UBTD1: variants seen among roughly 807,000 people sequenced by gnomAD.
UBTD1 encodes the protein ubiquitin domain-containing protein 1.
Under a neutral mutation model 21.7 loss-of-function variants are expected in UBTD1, and 19 were observed. The ratio of observed to expected loss-of-function variants is 0.87; its 90% CI spans 0.61 to 1.28. UBTD1 has a LOEUF of 1.28. Among genes scored for constraint, UBTD1 ranks in the 50% most tolerant of loss-of-function variants. The pLI, the probability that UBTD1 is intolerant of heterozygous loss-of-function variation, is 0.00. For synonymous variants in UBTD1, 116 were observed against 135.1 expected (o/e 0.86, Z 0.98); for missense variants, 282 against 315.1 (o/e 0.89, Z 0.80).
At chr10:97,556,522 G>GT in intron 1 of UBTD1, among the ~76,000 whole-genome samples, 1 of 152,278 alleles carries the variant, frequency 6.6e-6, no homozygotes, top group South Asian at 2.1e-4. Flanking sequence ...GTAGATGGGG[G>GT]TTCAATATCC....
chr10:97,528,207 G>A (rs2040501490), intron 1 of UBTD1, among the ~76,000 whole-genome samples: 3 of 99,858 alleles, frequency 3.0e-5, no homozygotes, highest in African/African-American at 7.0e-5. Context: ...GGACGGGGCG[G>A]CTGGCCGGGC....
At chr10:97,500,225 C>G (rs1289936895) in intron 1 of UBTD1, among the ~76,000 whole-genome samples, 1 of 152,230 alleles carries the variant, frequency 6.6e-6, no homozygotes, top group Admixed American at 6.5e-5. Flanking sequence ...TCCTCTCCCA[C>G]CCCATTGCCA....
Position 97,568,143 on chromosome 10 carries a change from T to C in UBTD1, c.298+2T>C. 1 of 1,613,474 alleles carries C rather than the reference T, an allele frequency of 6.2e-7. No individual in the cohort carries two copies. The highest frequency in any genetic ancestry group is 8.5e-7 in the Non-Finnish European group (1 of 1,179,954). ...GAGCCAGCATCACCCTGCCTCATGG[T>C]AAGTGGGCAGGGCCAGGGCTTTATC... On this transcript the variant is annotated splice_donor_variant, in intron 2 of 2. Transcript: ENST00000370664. LOFTEE classifies it high-confidence loss of function.
At chr10:97,511,796 C>G (rs2040424195) in intron 1 of UBTD1, among the ~76,000 whole-genome samples, 1 of 152,188 alleles carries the variant, frequency 6.6e-6, no homozygotes, top group Non-Finnish European at 1.5e-5. Context: ...TATTAATCTC[C>G]TACCATGTGT....
intron 1 of UBTD1, among the ~76,000 whole-genome samples, chr10:97,559,013 G>C (rs1418646707): frequency 6.6e-6 from 1 of 152,124 alleles, no homozygotes; most frequent in East Asian, 1.9e-4. Flanking sequence ...CATCCGCTCG[G>C]GGATGAACAA....
chr10:97,521,074 C>A (rs2040465180), intron 1 of UBTD1, among the ~76,000 whole-genome samples: 1 of 152,184 alleles, frequency 6.6e-6, no homozygotes, highest in African/African-American at 2.4e-5. Context: ...AGGCCCTGGG[C>A]CTGCCAGCTC....
intron 1 of UBTD1, among the ~76,000 whole-genome samples, chr10:97,505,377 G>T (rs967759471): frequency 1.3e-5 from 2 of 152,188 alleles, no homozygotes; most frequent in African/African-American, 4.8e-5. Flanking sequence ...ATAGGGAAGT[G>T]GTTGAGGTCA....
intron 1 of UBTD1, among the ~76,000 whole-genome samples, chr10:97,528,989 AC>A (rs2040510145): frequency 1.3e-5 from 2 of 150,622 alleles, no homozygotes. Context: ...CCGGGCGGAG[AC>A]GCTCCTCACT....
chr10:97,514,146 G>T (rs556375235), intron 1 of UBTD1, among the ~76,000 whole-genome samples: 1 of 152,146 alleles, frequency 6.6e-6, no homozygotes, highest in South Asian at 2.1e-4. Flanking sequence ...GGGTGCAGAT[G>T]AATGTAGTTG....
In UBTD1 at chr10:97,564,971, A is replaced by G. The variant is rs972190610; in HGVS notation, c.71-2943A>G. Among the ~76,000 whole-genome samples the G allele has an allele frequency of 3.3e-5, 5 of 152,168 alleles. No individual in the cohort carries two copies. In the East Asian group the frequency reaches 5.8e-4, roughly 18 times the overall value. ...CAGAACATCTTTAAATCCACCTATG[A>G]CCTTTAAGTCCCCGCCCCTTCAAGT... On this transcript the variant is annotated intron_variant, in intron 1 of 2. Coordinates refer to ENST00000370664, the MANE Select transcript of UBTD1 (RefSeq NM_024954.5).
intron 1 of UBTD1, among the ~76,000 whole-genome samples, chr10:97,502,873 ATG>A (rs1462850988): frequency 6.9e-6 from 1 of 145,204 alleles, no homozygotes; most frequent in African/African-American, 2.6e-5. Context: ...ATACGTATAT[ATG>A]TATATATATA....
rs1377212466 is a variant in UBTD1 at position 97,570,637 on chromosome 10, G to A, written c.*114G>A. The A allele has an allele frequency of 6.7e-6, 9 of 1,347,410 alleles. No individual in the cohort carries two copies. Among genetic ancestry groups the A allele is most frequent in the South Asian group, 1.4e-5 (1 of 70,958 alleles). The allele number at this position is 1,347,410 out of a possible 1,614,324, so 83.5% of individuals were successfully genotyped here. Reference sequence around the variant, plus strand: ...GGGCCCTCCCCTCGGTGTGGCTGGTGGGTGAGCCGTGAAGGGACCCTGCCT... The same window carrying A: ...GGGCCCTCCCCTCGGTGTGGCTGGTAGGTGAGCCGTGAAGGGACCCTGCCT... On this transcript the variant is annotated 3_prime_UTR_variant, in exon 3 of 3. Transcript: ENST00000370664. This position sits in a 1 kb window ranked among gnomAD's most constrained non-coding sequence, Gnocchi z 6.6.
intron 1 of UBTD1, among the ~76,000 whole-genome samples, chr10:97,521,989 A>C (rs1212545951): frequency 6.6e-6 from 1 of 152,212 alleles, no homozygotes; most frequent in Non-Finnish European, 1.5e-5. Flanking sequence ...TTGGATACAG[A>C]GAGGTGTGAG....
At chr10:97,568,744 A>G (rs540978949) in intron 2 of UBTD1, among the ~76,000 whole-genome samples, 70 of 152,294 alleles carry the variant, frequency 4.6e-4, no homozygotes, top group African/African-American at 1.7e-3. Flanking sequence ...CTTCCACTGC[A>G]TTAGCTCACG....
At chr10:97,553,770 C>T (rs767804547) in intron 1 of UBTD1, among the ~76,000 whole-genome samples, 36 of 152,162 alleles carry the variant, frequency 2.4e-4, no homozygotes, top group African/African-American at 8.7e-4. Flanking sequence ...CCTGCCTGCC[C>T]CCTCCCCCTC....
At chr10:97,518,350 C>T (rs1173323365) in intron 1 of UBTD1, among the ~76,000 whole-genome samples, 1 of 152,192 alleles carries the variant, frequency 6.6e-6, no homozygotes, top group Non-Finnish European at 1.5e-5. Context: ...TCCCTAGCTG[C>T]CCCTCCCCGA....
rs533380793 is a variant in UBTD1, at chr10:97,535,265, C to G, written c.71-32649C>G. 3.7e-4 allele frequency among the ~76,000 whole-genome samples: 56 copies of G among 152,314 alleles called. No homozygotes were observed. The South Asian group carries it at 0.011, about 31-fold the overall frequency. ...CCCATATGCTGATAAGACATATCAA[C>G]AGCTAGGTCTTAGCATTTCCATTAA... On this transcript the variant is annotated intron_variant, in intron 1 of 2. Transcript: ENST00000370664.
chr10:97,507,225 T>C (rs2040402996), intron 1 of UBTD1, among the ~76,000 whole-genome samples: 1 of 152,170 alleles, frequency 6.6e-6, no homozygotes, highest in Non-Finnish European at 1.5e-5. Context: ...TTTGGATTGG[T>C]TTTATAATAG....
intron 1 of UBTD1, among the ~76,000 whole-genome samples, chr10:97,520,828 T>C (rs183062282): frequency 4.4e-4 from 67 of 152,252 alleles, no homozygotes; most frequent in Middle Eastern, 6.8e-3. Context: ...GGAGGTGTTT[T>C]CCCTTTCCAG....
Sources: gnomAD v4.1 joint callset for allele counts (sites outside exome capture counted in the v4.1 genomes callset) on GRCh38, gnomAD v4.1.1 for gene constraint, Gnocchi (gnomAD v3.1) non-coding constraint, MANE v1.5 for transcripts, NCBI Gene and HGNC (gene_info 2026-07-23, HGNC 2026-07-21) for gene names.